KCTD16: variants seen among roughly 807,000 people sequenced by gnomAD.
The protein encoded by KCTD16 is potassium channel tetramerization domain containing 16.
KCTD16 carries 13 observed loss-of-function variants against 33.2 expected under a neutral mutation model. The ratio of observed to expected loss-of-function variants is 0.39; its 90% CI spans 0.25 to 0.62. KCTD16 has a LOEUF of 0.62. Among genes scored for constraint, KCTD16 ranks in the 20% least tolerant of loss-of-function variants. The pLI is 0.50. For synonymous variants in KCTD16, 197 were observed against 195.3 expected (o/e 1.01, Z -0.07); for missense variants, 441 against 525.1 (o/e 0.84, Z 1.57).
At chr5:144,325,349 TC>T (rs1453362208) in intron 3 of KCTD16, among the ~76,000 whole-genome samples, 1 of 152,152 alleles carries the variant, frequency 6.6e-6, no homozygotes, top group Non-Finnish European at 1.5e-5. Flanking sequence ...GGACATCTGA[TC>T]AAGTCACAAG....
At chr5:144,354,924 AG>A (rs1751539075) in intron 3 of KCTD16, among the ~76,000 whole-genome samples, 1 of 152,208 alleles carries the variant, frequency 6.6e-6, no homozygotes, top group Admixed American at 6.5e-5. Context: ...ATGGCATTAT[AG>A]CTAATAATAG....
At chr5:144,184,595 C>T (rs1342386876) in intron 2 of KCTD16, among the ~76,000 whole-genome samples, 1 of 152,138 alleles carries the variant, frequency 6.6e-6, no homozygotes, top group African/African-American at 2.4e-5. Flanking sequence ...ATACTGTTTT[C>T]TATAGTGGCA....
At chr5:144,302,940 A>G (rs1751483778) in intron 3 of KCTD16, among the ~76,000 whole-genome samples, 1 of 152,236 alleles carries the variant, frequency 6.6e-6, no homozygotes, top group Admixed American at 6.5e-5. Flanking sequence ...AATGCAGCCT[A>G]TAGAATGAGC....
At chr5:144,251,249 G>A (rs1754692860) in intron 3 of KCTD16, among the ~76,000 whole-genome samples, 1 of 152,110 alleles carries the variant, frequency 6.6e-6, no homozygotes, top group Non-Finnish European at 1.5e-5. Context: ...AGGTAGTAGG[G>A]GGTGGTGTGT....
chr5:144,316,977 G>A (rs980060771), intron 3 of KCTD16, among the ~76,000 whole-genome samples: 8 of 151,530 alleles, frequency 5.3e-5, no homozygotes, highest in African/African-American at 1.9e-4. Flanking sequence ...ACAGGTGCAC[G>A]CCACAACGCC....
At chr5:144,227,213 T>G (rs1056966654) in intron 3 of KCTD16, among the ~76,000 whole-genome samples, 2 of 152,104 alleles carry the variant, frequency 1.3e-5, no homozygotes, top group African/African-American at 4.8e-5. Context: ...GGGATGTGTG[T>G]TGGAATTTTA....
chr5:144,253,210 C>A lies in KCTD16; in HGVS notation c.832+45664C>A, dbSNP rs184560873. ...AGCCCACCACTTGCAGGTAGATACA[C>A]ATCTACCTGAATTACATATTTATAT... On this transcript the variant is annotated intron_variant, in intron 3 of 3. Transcript: ENST00000512467. Among the ~76,000 whole-genome samples the A allele has an allele frequency of 1.7e-4, 26 of 152,244 alleles. No homozygotes were observed. The East Asian group carries it at 4.2e-3, about 25-fold the overall frequency.
At chr5:144,338,244 C>T (rs544171118) in intron 3 of KCTD16, among the ~76,000 whole-genome samples, 110 of 152,160 alleles carry the variant, frequency 7.2e-4, no homozygotes, top group African/African-American at 2.6e-3. Context: ...AAAATGAGTC[C>T]TCCAGAGGCA....
chr5:144,255,252 G>A (rs1001770855), intron 3 of KCTD16, among the ~76,000 whole-genome samples: 2 of 152,058 alleles, frequency 1.3e-5, no homozygotes, highest in African/African-American at 2.4e-5. Flanking sequence ...TTCACACCTT[G>A]GCTTTTGTGA....
chr5:144,396,932 A>AGT (rs1752580527), intron 3 of KCTD16, among the ~76,000 whole-genome samples: 2 of 146,808 alleles, frequency 1.4e-5, no homozygotes, highest in Admixed American at 1.4e-4. Context: ...ATATATATAT[A>AGT]TTTTATTATA....
intron 3 of KCTD16, among the ~76,000 whole-genome samples, chr5:144,446,547 T>C (rs1317606713): frequency 1.3e-5 from 2 of 151,952 alleles, no homozygotes; most frequent in East Asian, 3.9e-4. Flanking sequence ...AAAGCCAAAA[T>C]TGACAAATGA....
At chr5:144,176,387 CTTTTTT>C (rs368578231) in intron 2 of KCTD16, among the ~76,000 whole-genome samples, 4 of 106,678 alleles carry the variant, frequency 3.7e-5, no homozygotes, top group South Asian at 6.3e-4. Context: ...TATAGTGTTT[CTTTTTT>C]TTTTTTTTTT....
intron 3 of KCTD16, among the ~76,000 whole-genome samples, chr5:144,235,180 G>C (rs1354684450): frequency 6.6e-6 from 1 of 152,094 alleles, no homozygotes; most frequent in African/African-American, 2.4e-5. Context: ...TTGTTTTTAT[G>C]CACAAAGTGT....
intron 3 of KCTD16, among the ~76,000 whole-genome samples, chr5:144,268,038 T>C (rs185154014): frequency 7.2e-5 from 11 of 152,268 alleles, no homozygotes; most frequent in Non-Finnish European, 1.5e-4. Flanking sequence ...CTCTGGAGTG[T>C]ATTGCACGCT....
chr5:144,363,981 T>C (rs1751775813), intron 3 of KCTD16, among the ~76,000 whole-genome samples: 2 of 151,878 alleles, frequency 1.3e-5, no homozygotes, highest in Non-Finnish European at 2.9e-5. Flanking sequence ...ATTTATTTTA[T>C]TCAATTCAGT....
intron 3 of KCTD16, among the ~76,000 whole-genome samples, chr5:144,414,304 T>C (rs1195792192): frequency 6.6e-6 from 1 of 152,206 alleles, no homozygotes; most frequent in African/African-American, 2.4e-5. Context: ...TAAAAAGTGC[T>C]ACATACCCTC....
intron 3 of KCTD16, among the ~76,000 whole-genome samples, chr5:144,234,926 T>C (rs983905948): frequency 6.6e-6 from 1 of 152,080 alleles, no homozygotes; most frequent in African/African-American, 2.4e-5. Context: ...TAAAGAGATC[T>C]CAGCCTTTCC....
chr5:144,364,307 A>G (rs534093857), intron 3 of KCTD16, among the ~76,000 whole-genome samples: 65 of 152,318 alleles, frequency 4.3e-4, no homozygotes, highest in African/African-American at 1.5e-3. Context: ...GACACACGCT[A>G]GAAAGGAGTG....
intron 2 of KCTD16, among the ~76,000 whole-genome samples, chr5:144,190,517 A>G (rs572269091): frequency 6.6e-6 from 1 of 152,352 alleles, no homozygotes; most frequent in East Asian, 1.9e-4. Flanking sequence ...GTAGTGATTC[A>G]GTAATTGGTA....
Sources: gnomAD v4.1 joint callset for allele counts (sites outside exome capture counted in the v4.1 genomes callset) on GRCh38, gnomAD v4.1.1 for gene constraint, MANE v1.5 for transcripts, NCBI Gene and HGNC (gene_info 2026-07-23, HGNC 2026-07-21) for gene names.